Variants in ACVR1B observed in about 807,000 individuals in gnomAD.
ACVR1B encodes the protein activin A receptor type 1B, also known as activin receptor type-1B.
A neutral mutation model predicts 55.6 loss-of-function variants in ACVR1B; 15 were observed. The observed-to-expected ratio is 0.27, with a 90% CI of 0.18 to 0.42. The LOEUF (loss-of-function observed/expected upper bound fraction) is 0.42, where lower values mean the gene tolerates loss of function less well. Ranked by LOEUF, ACVR1B falls within the 10% of genes least tolerant of loss-of-function variation. The probability of loss-of-function intolerance (pLI) is 1.00; values close to 1 mark genes in which losing one functional copy is unlikely to be tolerated. For synonymous variants in ACVR1B, 247 were observed against 254.6 expected (o/e 0.97, Z 0.28); for missense variants, 359 against 670.1 (o/e 0.54, Z 5.13).
chr12:51,986,963 T>G (rs747392780), intron 7 of ACVR1B, 21 bp downstream of exon 7: 1 of 1,614,262 alleles, frequency 6.2e-7, no homozygotes, highest in South Asian at 1.1e-5. Context: ...TTTTTGCCTT[T>G]GCTCCTACCT....
At chr12:51,987,436 A>T (rs1023275532) in intron 7 of ACVR1B, 2 of 379,152 alleles carry the variant, frequency 5.3e-6, no homozygotes, top group African/African-American at 4.1e-5. Context: ...AATCGTTGGC[A>T]TTTGCAGCTG....
chr12:51,952,286 C>T (rs930561660), intron 1 of ACVR1B, among the ~76,000 whole-genome samples: 2 of 152,116 alleles, frequency 1.3e-5, no homozygotes, highest in Admixed American at 6.5e-5. Context: ...GGGGTCTTAG[C>T]CTCTCCGAGG....
intron 1 of ACVR1B, among the ~76,000 whole-genome samples, chr12:51,965,002 AAAAG>A (rs917496512): frequency 2.0e-5 from 3 of 146,696 alleles, no homozygotes; most frequent in Admixed American, 6.7e-5. Flanking sequence ...AAAAACAAAA[AAAAG>A]GCCACTGAGA....
intron 3 of ACVR1B, among the ~76,000 whole-genome samples, chr12:51,980,476 T>C (rs1646339147): frequency 1.3e-5 from 2 of 152,200 alleles, no homozygotes; most frequent in Non-Finnish European, 2.9e-5. Flanking sequence ...ATTGCTCTCT[T>C]TGGAGATGGG....
In ACVR1B at chr12:51,976,344, GAGC is replaced by G; in HGVS notation, c.351_353del (p.Glu117_His118delinsAsp). ...TGACTCAGGTCACCTCAAGGAGCCTGAGCACCCGTCCATGTGGGGCCCGGTGGA... is the reference window on the plus strand; with the variant it reads ...TGACTCAGGTCACCTCAAGGAGCCTGACCCGTCCATGTGGGGCCCGGTGGA... On this transcript the variant is annotated inframe_deletion, in exon 3 of 9. Transcript: ENST00000257963. The G allele has an allele frequency of 6.2e-7, 1 of 1,614,140 alleles. No individual in the cohort carries two copies. The highest frequency in any genetic ancestry group is 8.5e-7 in the Non-Finnish European group (1 of 1,180,028).
chr12:51,977,115 T>G (rs1056380922), intron 3 of ACVR1B, among the ~76,000 whole-genome samples: 2 of 152,162 alleles, frequency 1.3e-5, no homozygotes, highest in African/African-American at 4.8e-5. Context: ...TCAGCACTAT[T>G]TCCTGTACTG....
chr12:51,975,147 C>CA, intron 1 of ACVR1B, 118 bp from the exon 2 acceptor site: 1 of 1,428,366 alleles, frequency 7.0e-7, no homozygotes, highest in Non-Finnish European at 9.4e-7. Flanking sequence ...TTGGCCCCAT[C>CA]TCTATAAAAA....
intron 1 of ACVR1B, among the ~76,000 whole-genome samples, chr12:51,964,894 T>G (rs894595976): frequency 2.6e-5 from 4 of 152,138 alleles, no homozygotes; most frequent in Non-Finnish European, 5.9e-5. Context: ...GTATGAGTCC[T>G]CCAACTTTAT....
chr12:51,956,006 T>C (rs1255395643), intron 1 of ACVR1B, among the ~76,000 whole-genome samples: 2 of 152,258 alleles, frequency 1.3e-5, no homozygotes, highest in East Asian at 1.9e-4. Context: ...TTTCTGTCCA[T>C]GTCTGCTCTC....
chr12:51,974,267 A>T (rs1361481165), intron 1 of ACVR1B, among the ~76,000 whole-genome samples: 3 of 152,164 alleles, frequency 2.0e-5, no homozygotes, highest in African/African-American at 4.8e-5. Context: ...AAGAGGTCAG[A>T]GCTAGGTTAG....
At chr12:51,986,362 GA>G (rs1475519059) in intron 6 of ACVR1B, among the ~76,000 whole-genome samples, 2 of 152,214 alleles carry the variant, frequency 1.3e-5, no homozygotes, top group Admixed American at 1.3e-4. Context: ...GGGTTCAAGT[GA>G]TTCTCCTGCC....
intron 3 of ACVR1B, among the ~76,000 whole-genome samples, chr12:51,978,194 T>C (rs1941905900): frequency 6.6e-6 from 1 of 152,020 alleles, no homozygotes; most frequent in South Asian, 2.1e-4. Context: ...TTGAAAGAGG[T>C]AGGGCAGTGG....
rs2120611736 is a variant in ACVR1B, at chr12:51,976,341, C to T, written c.346C>T (p.Pro116Ser). 2 of 1,614,170 alleles carry T rather than the reference C, an allele frequency of 1.2e-6. No homozygotes were observed. Among genetic ancestry groups the T allele is most frequent in the Non-Finnish European group, 8.5e-7 (1 of 1,180,038 alleles). ...ACTTGACTCAGGTCACCTCAAGGAG[C>T]CTGAGCACCCGTCCATGTGGGGCCC... ...LRVPSGHLKE[P>S]EHPSMWGPVE... Residue 116 changes from proline (P) to serine (S), a missense_variant, in exon 3 of 9, where the codon CCT (proline) becomes TCT (serine). Coordinates refer to ENST00000257963, the MANE Select transcript of ACVR1B (RefSeq NM_004302.5).
intron 3 of ACVR1B, among the ~76,000 whole-genome samples, chr12:51,980,401 GTTAATC>G (rs1456654225): frequency 6.6e-6 from 1 of 152,176 alleles, no homozygotes; most frequent in Non-Finnish European, 1.5e-5. Context: ...AGACAGTAAA[GTTAATC>G]TTAGACTAAA....
At chr12:51,964,441 C>T (rs1361301662) in intron 1 of ACVR1B, among the ~76,000 whole-genome samples, 1 of 152,154 alleles carries the variant, frequency 6.6e-6, no homozygotes, top group African/African-American at 2.4e-5. Flanking sequence ...TGATATTGCC[C>T]TTTGATACAC....
rs372942105 is a variant in ACVR1B at position 51,992,096 on chromosome 12, G to A, written c.1392+103G>A. On this transcript the variant is annotated intron_variant, in intron 8 of 8. Coordinates refer to ENST00000257963, the MANE Select transcript of ACVR1B (RefSeq NM_004302.5). ...CAGGCCCCAGAGGAGCCCCCTGAGA[G>A]TGTCAGTTATTATTTACTATTACGT... 6 of 1,459,776 alleles carry A rather than the reference G, an allele frequency of 4.1e-6. No individual in the cohort carries two copies. The Middle Eastern group carries it at 6.1e-4, about 148-fold the overall frequency. The allele number at this position is 1,459,776 out of a possible 1,614,324, so 90.4% of individuals were successfully genotyped here. A position where few individuals can be genotyped will look rare whatever the true frequency, so the allele number is the denominator to read the frequency against.
At chr12:51,958,643 T>TC (rs1941456655) in intron 1 of ACVR1B, among the ~76,000 whole-genome samples, 1 of 132,594 alleles carries the variant, frequency 7.5e-6, no homozygotes, top group Admixed American at 7.8e-5. Flanking sequence ...GTGAGACTCC[T>TC]CAAAAAAAAA....
chr12:51,990,703 A>C (rs1348357887), intron 7 of ACVR1B, among the ~76,000 whole-genome samples: 2 of 152,164 alleles, frequency 1.3e-5, no homozygotes, highest in African/African-American at 2.4e-5. Context: ...TCGGGGTTCC[A>C]ATAAGTTTTA....
chr12:51,992,201 C>T (rs1592263821), intron 8 of ACVR1B: 2 of 632,822 alleles, frequency 3.2e-6, no homozygotes, highest in East Asian at 5.6e-5. Flanking sequence ...GAGTTCACAG[C>T]CTAGAAGAAG....
Sources: allele counts gnomAD v4.1 joint callset (sites outside exome capture counted in the v4.1 genomes callset), GRCh38; gene constraint gnomAD v4.1.1; transcripts MANE v1.5; gene names NCBI Gene and HGNC (gene_info 2026-07-23, HGNC 2026-07-21).